Variants in NTRK3 observed in about 807,000 individuals in gnomAD.
NTRK3 encodes neurotrophic receptor tyrosine kinase 3.
Under a neutral mutation model 91.7 loss-of-function variants are expected in NTRK3, and 24 were observed. The observed-to-expected ratio is 0.26, with a 90% CI of 0.19 to 0.37. The LOEUF is 0.37. Ranked by LOEUF, NTRK3 falls within the 10% of genes least tolerant of loss-of-function variation. The probability of loss-of-function intolerance (pLI) is 1.00; values close to 1 mark genes in which losing one functional copy is unlikely to be tolerated. For missense variants in NTRK3, 880 were observed against 1,068.9 expected (o/e 0.82, Z 2.46); for synonymous variants, 483 against 404.0 (o/e 1.20, Z -2.34).
At chr15:87,972,066 T>G (rs1284073158) in intron 14 of NTRK3, among the ~76,000 whole-genome samples, 2 of 152,190 alleles carry the variant, frequency 1.3e-5, no homozygotes, top group Non-Finnish European at 2.9e-5. Context: ...GAAGTCACTT[T>G]CCCCTTTGCC....
At chr15:87,905,817 C>A (rs2066734281) in intron 17 of NTRK3, among the ~76,000 whole-genome samples, 1 of 152,210 alleles carries the variant, frequency 6.6e-6, no homozygotes, top group African/African-American at 2.4e-5. Flanking sequence ...AGTTAAGCCT[C>A]CACCTCAGCC....
chr15:87,962,632 G>A (rs890495457), intron 14 of NTRK3, among the ~76,000 whole-genome samples: 1 of 152,146 alleles, frequency 6.6e-6, no homozygotes, highest in Admixed American at 6.5e-5. Flanking sequence ...TCCCTTGCCT[G>A]GAGCCCAGAT....
chr15:88,179,151 C>T (rs1567592623), intron 5 of NTRK3, among the ~76,000 whole-genome samples: 1 of 152,158 alleles, frequency 6.6e-6, no homozygotes, highest in Non-Finnish European at 1.5e-5. Context: ...ATGCACCAGG[C>T]ACAGTTCTTG....
At chr15:87,957,581 AAGG>A (rs1213518515) in intron 14 of NTRK3, among the ~76,000 whole-genome samples, 2 of 152,220 alleles carry the variant, frequency 1.3e-5, no homozygotes, top group African/African-American at 4.8e-5. Flanking sequence ...TAGGGAAAAA[AAGG>A]AGCTCTTGGA....
At chr15:88,067,943 A>G (rs1467562416) in intron 13 of NTRK3, among the ~76,000 whole-genome samples, 1 of 152,152 alleles carries the variant, frequency 6.6e-6, no homozygotes, top group Admixed American at 6.5e-5. Flanking sequence ...TTATGTTGTT[A>G]TACCTTTTAC....
chr15:88,222,218 A>T (rs2141593511), intron 3 of NTRK3, among the ~76,000 whole-genome samples: 1 of 152,310 alleles, frequency 6.6e-6, no homozygotes, highest in Admixed American at 6.5e-5. Context: ...TAACACATAC[A>T]TGCAACTATA....
intron 14 of NTRK3, among the ~76,000 whole-genome samples, chr15:87,995,230 C>G (rs1018411979): frequency 6.6e-6 from 1 of 152,146 alleles, no homozygotes; most frequent in Non-Finnish European, 1.5e-5. Flanking sequence ...AAATCTGTGC[C>G]TTAGCCCTCA....
exon 19 of NTRK3, chr15:87,862,525 T>C (rs568517698): frequency 1.9e-4 from 43 of 226,870 alleles, no homozygotes; most frequent in Non-Finnish European, 3.3e-4. Flanking sequence ...TGATGAAACC[T>C]GCAGTGACTG....
chr15:88,183,433 G>A, exon 5 of NTRK3: 1 of 1,614,040 alleles, frequency 6.2e-7, no homozygotes, highest in Non-Finnish European at 8.5e-7. Context: ...ACGCAAATGG[G>A]GGTTCTTGGC....
intron 13 of NTRK3, among the ~76,000 whole-genome samples, chr15:88,108,307 T>C (rs1019597958): frequency 2.0e-5 from 3 of 152,200 alleles, no homozygotes; most frequent in Non-Finnish European, 2.9e-5. Context: ...AGAGTCACTG[T>C]CACTACCTGC....
chr15:88,058,508 G>GTC (rs1303834161), intron 13 of NTRK3, among the ~76,000 whole-genome samples: 2 of 152,104 alleles, frequency 1.3e-5, no homozygotes, highest in Middle Eastern at 3.2e-3. Context: ...CTGTCTGTGG[G>GTC]TCTCTCTCCT....
At chr15:88,042,619 C>T (rs1377455595) in intron 13 of NTRK3, among the ~76,000 whole-genome samples, 5 of 152,202 alleles carry the variant, frequency 3.3e-5, no homozygotes, top group Non-Finnish European at 1.5e-5. Context: ...GTTCATGCCT[C>T]GCAGCATTCA....
At chr15:88,103,696 A>G (rs927694503) in intron 13 of NTRK3, among the ~76,000 whole-genome samples, 4 of 152,138 alleles carry the variant, frequency 2.6e-5, no homozygotes, top group African/African-American at 7.2e-5. Flanking sequence ...TTGAAAGGGC[A>G]CAGTTCTTCA....
intron 14 of NTRK3, among the ~76,000 whole-genome samples, chr15:87,992,938 T>A (rs1484486613): frequency 6.6e-6 from 1 of 152,136 alleles, no homozygotes; most frequent in East Asian, 1.9e-4. Flanking sequence ...TAATCTGACT[T>A]GTGTGTGTGT....
intron 3 of NTRK3, among the ~76,000 whole-genome samples, chr15:88,219,952 G>A (rs1559823): frequency 0.78 from 119,058 of 152,096 alleles, 48,434 homozygotes; most frequent in East Asian, 0.96. Context: ...AGAAATGCCC[G>A]CACCCCCTCC....
chr15:88,030,967 C>T (rs139906313), intron 14 of NTRK3, among the ~76,000 whole-genome samples: 133 of 152,218 alleles, frequency 8.7e-4, no homozygotes, highest in African/African-American at 3.2e-3. Flanking sequence ...CCCCAAGCAT[C>T]GTTCTGAAGT....
chr15:88,055,305 G>A (rs1015305000), intron 13 of NTRK3, among the ~76,000 whole-genome samples: 7 of 152,186 alleles, frequency 4.6e-5, no homozygotes, highest in Non-Finnish European at 8.8e-5. Context: ...GGGACATGTG[G>A]CATCTTAATG....
intron 15 of NTRK3, among the ~76,000 whole-genome samples, chr15:87,933,626 C>T (rs966948671): frequency 6.6e-6 from 1 of 152,266 alleles, no homozygotes; most frequent in Non-Finnish European, 1.5e-5. Context: ...GTCACATGCT[C>T]ATAGCCTATT....
At chr15:87,871,029 GT>G in exon 19 of NTRK3, 1 of 230,268 alleles carries the variant, frequency 4.3e-6, no homozygotes. Flanking sequence ...TACTGCAAAT[GT>G]CAAACTGGGT....
Sources: allele counts gnomAD v4.1 joint callset (sites outside exome capture counted in the v4.1 genomes callset), GRCh38; gene constraint gnomAD v4.1.1; transcripts MANE v1.5; gene names NCBI Gene and HGNC (gene_info 2026-07-23, HGNC 2026-07-21).